The following CDC42BPB variants were observed in gnomAD, a reference collection of about 807,000 sequenced individuals.
The protein encoded by CDC42BPB is CDC42 binding protein kinase beta.
A neutral mutation model predicts 214.9 loss-of-function variants in CDC42BPB; 37 were observed. That is an observed-to-expected ratio of 0.17 (90% CI 0.13 to 0.23). CDC42BPB has a LOEUF of 0.23. Among genes scored for constraint, CDC42BPB ranks in the 10% least tolerant of loss-of-function variants. The pLI, the probability that CDC42BPB is intolerant of heterozygous loss-of-function variation, is 1.00. For missense variants in CDC42BPB, 1,694 were observed against 2,227.0 expected (o/e 0.76, Z 4.82); for synonymous variants, 931 against 884.0 (o/e 1.05, Z -0.94).
intron 1 of CDC42BPB, among the ~76,000 whole-genome samples, chr14:103,013,370 G>A (rs961333405): frequency 3.3e-5 from 5 of 152,114 alleles, no homozygotes; most frequent in Non-Finnish European, 5.9e-5. Context: ...TGCTCTTCCC[G>A]GCCTCCTCAC....
Position 102,933,348 on chromosome 14 carries a change from G to A in CDC42BPB, c.*364C>T. ...GGAAAAGACTGGGTACTGAGGCTGT[G>A]TCCCCAGATGTCTGCTTCCGAAGCA... is the stretch of plus-strand genomic sequence containing the variant. On this transcript the variant is annotated 3_prime_UTR_variant, in exon 37 of 37. Coordinates refer to ENST00000361246, the MANE Select transcript of CDC42BPB (RefSeq NM_006035.4). 1 of 201,658 alleles carries A rather than the reference G, an allele frequency of 5.0e-6. No homozygotes were observed. The highest frequency in any genetic ancestry group is 1.1e-4 in the East Asian group (1 of 9,090). The allele number at this position is 201,658 out of a possible 1,614,324, so 12.5% of individuals were successfully genotyped here.
chr14:102,972,588 C>T (rs1023465183), intron 12 of CDC42BPB, among the ~76,000 whole-genome samples: 1 of 151,524 alleles, frequency 6.6e-6, no homozygotes, highest in Non-Finnish European at 1.5e-5. Context: ...ACTTGGGAAG[C>T]TGAGGCAGGA....
Position 102,980,993 on chromosome 14 carries a change from G to A in CDC42BPB, c.920C>T (p.Thr307Met), listed in dbSNP as rs138477914. The change falls in exon 8 of 37, where the codon ACG becomes ATG. Residue 307 changes from threonine (T) to methionine (M), a missense_variant. Physicochemically the swap from Thr to Met is moderately conservative, Grantham distance 81 (BLOSUM62 -1). Around this residue, in one of 7 missense-constraint regions of CDC42BPB, gnomAD observed 225 missense variants for 459.3 expected, o/e 0.49. Transcript: ENST00000361246. ...EERFQFPSHV[T>M]DVSEEAKDLI... ...GTCCTTCGCTTCTTCAGATACATCC[G>A]TGACATGGGATGGGAACTGGAATCG... is the stretch of plus-strand genomic sequence containing the variant. The A allele has an allele frequency of 4.3e-6, 7 of 1,614,120 alleles. No individual in the cohort carries two copies. Among genetic ancestry groups the A allele is most frequent in the East Asian group, 2.2e-5 (1 of 44,890 alleles).
chr14:103,025,943 C>G (rs960484545), intron 1 of CDC42BPB, among the ~76,000 whole-genome samples: 4 of 152,076 alleles, frequency 2.6e-5, no homozygotes, highest in African/African-American at 9.7e-5. Flanking sequence ...GACACAACCC[C>G]AAGATCATGC....
intron 1 of CDC42BPB, among the ~76,000 whole-genome samples, chr14:103,053,584 AC>A (rs1206752973): frequency 4.6e-5 from 7 of 150,958 alleles, no homozygotes; most frequent in African/African-American, 7.3e-5. Flanking sequence ...ACACGGTGAA[AC>A]CCCGTCTCTA....
chr14:102,950,984 AAAAC>A (rs1439861788), intron 24 of CDC42BPB, among the ~76,000 whole-genome samples: 1 of 152,184 alleles, frequency 6.6e-6, no homozygotes, highest in Admixed American at 6.6e-5. Flanking sequence ...AAAATAAAAC[AAAAC>A]AAACAAAAAA....
Position 102,937,802 on chromosome 14 carries a change from A to C in CDC42BPB, c.5004+302T>G, listed in dbSNP as rs569564109. ...GTATCACATTGAAGTACATAAAACA[A>C]CACAGGGAGTCCAGAGGAAAGAGGC... On this transcript the variant is annotated intron_variant, in intron 36 of 36. Coordinates refer to ENST00000361246, the MANE Select transcript of CDC42BPB (RefSeq NM_006035.4). Among the ~76,000 whole-genome samples, 4 of 152,366 alleles carry C rather than the reference A, an allele frequency of 2.6e-5. No individual in the cohort carries two copies. In the South Asian group the frequency reaches 6.2e-4, roughly 24 times the overall value.
At chr14:103,024,062 C>T (rs75813987) in intron 1 of CDC42BPB, among the ~76,000 whole-genome samples, 397 of 152,322 alleles carry the variant, frequency 2.6e-3, no homozygotes, top group African/African-American at 9.3e-3. Flanking sequence ...ATCCTCACTC[C>T]TTCCTAGTAC....
rs35247234 is a variant in CDC42BPB at position 102,940,538 on chromosome 14, A to T, written c.4409-214T>A. The T allele has an allele frequency of 9.2e-3, 12,066 of 1,308,692 alleles. 769 individuals are homozygous for T. In the African/African-American group the frequency reaches 0.15, roughly 16 times the overall value. 81.1% of individuals were successfully genotyped at this position (1,308,692 alleles called of 1,614,324 possible). ...ACAATCCAATGTTTAAATGCTCCAC[A>T]ATCACTTCCGTAACTAATATTTTGA... On this transcript the variant is annotated intron_variant, in intron 30 of 36. Transcript: ENST00000361246.
rs34015082 is a variant in CDC42BPB at position 102,941,393 on chromosome 14, T to C, written c.4409-1069A>G. 9.3e-5 allele frequency: 92 copies of C among 985,466 alleles called. 2 individuals carry two copies. In the African/African-American group the frequency reaches 1.4e-3, roughly 15 times the overall value. The allele number at this position is 985,466 out of a possible 1,614,324, so 61.0% of individuals were successfully genotyped here. The stretch of plus-strand genomic sequence containing the variant: ...CCAAACAGGCTACAAGATCAGGACT[T>C]TTCTTCTGAATACAAAAAGGGAAAT... On this transcript the variant is annotated intron_variant, in intron 30 of 36. Transcript: ENST00000361246.
intron 20 of CDC42BPB, among the ~76,000 whole-genome samples, chr14:102,962,001 G>A (rs992166836): frequency 4.5e-4 from 69 of 152,082 alleles, no homozygotes; most frequent in African/African-American, 1.6e-3. Context: ...TTTTAAAAGC[G>A]GGCAAACAAT....
At chr14:102,989,740 G>A (rs1345468394) in intron 5 of CDC42BPB, among the ~76,000 whole-genome samples, 6 of 151,926 alleles carry the variant, frequency 3.9e-5, no homozygotes, top group East Asian at 3.9e-4. Context: ...GAGTGGTGGC[G>A]GGCGGCTACT....
Position 103,001,742 on chromosome 14 carries a change from G to A in CDC42BPB, c.448-2029C>T, listed in dbSNP as rs191438093. On this transcript the variant is annotated intron_variant, in intron 4 of 36. Coordinates refer to ENST00000361246, the MANE Select transcript of CDC42BPB (RefSeq NM_006035.4). This position sits in a 1 kb window ranked among gnomAD's most constrained non-coding sequence, Gnocchi z 5.8. ...CACACACGGGGCCAGGGGAGATGCGGTGAACGAACGGCCAGGCCCTCGGGC... is the reference window on the plus strand; with the variant it reads ...CACACACGGGGCCAGGGGAGATGCGATGAACGAACGGCCAGGCCCTCGGGC... 1.4e-4 allele frequency among the ~76,000 whole-genome samples: 22 copies of A among 152,342 alleles called. No individual in the cohort carries two copies. Among genetic ancestry groups the A allele is most frequent in the African/African-American group, 5.0e-4 (21 of 41,588 alleles).
chr14:102,987,788 A>AACACACAAACAC (rs1555390732), intron 5 of CDC42BPB, among the ~76,000 whole-genome samples: 1 of 140,760 alleles, frequency 7.1e-6, no homozygotes, highest in Admixed American at 7.1e-5. Flanking sequence ...CAAACACACA[A>AACACACAAACAC]ACACACACAC....
At position 103,017,485 on chromosome 14, in the gene CDC42BPB, G is replaced by A. The variant is rs561561870; in HGVS notation, c.176-5297C>T. Reference sequence around the variant, plus strand: ...AATGGTGACTTTACAGTGAAGTCAGGCAGACATCACCTGAAATCAAGCAAT... The same window carrying A: ...AATGGTGACTTTACAGTGAAGTCAGACAGACATCACCTGAAATCAAGCAAT... On this transcript the variant is annotated intron_variant, in intron 1 of 36. Coordinates refer to ENST00000361246, the MANE Select transcript of CDC42BPB (RefSeq NM_006035.4). 3.9e-5 allele frequency among the ~76,000 whole-genome samples: 6 copies of A among 152,084 alleles called. No individual in the cohort carries two copies. In the South Asian group the frequency reaches 1.3e-3, roughly 32 times the overall value.
intron 25 of CDC42BPB, chr14:102,950,222 G>A (rs565433395): frequency 3.2e-6 from 2 of 623,946 alleles, no homozygotes; most frequent in South Asian, 7.0e-5. Flanking sequence ...CCCACTGGCT[G>A]GACACTCAGC....
chr14:102,965,888 C>T (rs1390671125), intron 18 of CDC42BPB, among the ~76,000 whole-genome samples: 2 of 152,072 alleles, frequency 1.3e-5, no homozygotes, highest in Non-Finnish European at 2.9e-5. Context: ...AGCCGGGAGG[C>T]GGAGGTTGCA....
intron 1 of CDC42BPB, chr14:103,041,506 C>T: frequency 1.4e-6 from 2 of 1,391,904 alleles, no homozygotes; most frequent in South Asian, 1.2e-5. Flanking sequence ...GCCCCACTTC[C>T]ACAAGGACTG....
At chr14:103,053,346 CA>C (rs953498094) in intron 1 of CDC42BPB, among the ~76,000 whole-genome samples, 17 of 135,592 alleles carry the variant, frequency 1.3e-4, no homozygotes, top group African/African-American at 2.7e-4. Flanking sequence ...GACTCCGTCT[CA>C]AAAAAAAAAG....
Sources: gnomAD v4.1 joint callset for allele counts (sites outside exome capture counted in the v4.1 genomes callset) on GRCh38, gnomAD v4.1.1 for gene constraint, gnomAD v4.1.1 regional missense constraint, Gnocchi (gnomAD v3.1) non-coding constraint, MANE v1.5 for transcripts, NCBI Gene and HGNC (gene_info 2026-07-23, HGNC 2026-07-21) for gene names.